Variants in ADRA1B observed in about 807,000 individuals in gnomAD.
ADRA1B encodes alpha-1B adrenergic receptor.
A neutral mutation model predicts 17.9 loss-of-function variants in ADRA1B; 17 were observed. The ratio of observed to expected loss-of-function variants is 0.95; its 90% CI spans 0.65 to 1.42. The LOEUF is 1.42. Ranked by LOEUF, ADRA1B falls within the 40% of genes most tolerant of loss-of-function variation. The pLI is 0.00. For synonymous variants in ADRA1B, 366 were observed against 327.6 expected (o/e 1.12, Z -1.27); for missense variants, 681 against 722.1 (o/e 0.94, Z 0.65).
chr5:159,922,805 C>T (rs1027760877), intron 1 of ADRA1B, among the ~76,000 whole-genome samples: 38 of 152,282 alleles, frequency 2.5e-4, no homozygotes, highest in South Asian at 4.1e-4. Flanking sequence ...ATTATACTGA[C>T]GATATAATGG....
At chr5:159,921,500 G>A (rs968174476) in intron 1 of ADRA1B, among the ~76,000 whole-genome samples, 4 of 152,194 alleles carry the variant, frequency 2.6e-5, no homozygotes, top group African/African-American at 7.2e-5. Context: ...AGCTATTGAG[G>A]ATGTGCATTG....
chr5:159,867,691 C>G (rs920950333), intron 1 of ADRA1B, among the ~76,000 whole-genome samples: 10 of 152,166 alleles, frequency 6.6e-5, no homozygotes, highest in Admixed American at 5.2e-4. Flanking sequence ...TTATTCCACC[C>G]AAGACTGAAA....
chr5:159,978,177 C>T, the ADRA1B span, among the ~76,000 whole-genome samples: 105 of 152,268 alleles, frequency 6.9e-4, 2 homozygotes, highest in Admixed American at 1.6e-3. Context: ...GGATATTTGT[C>T]TGTTTTGCTC....
At chr5:159,951,064 G>A (rs1340901366) in intron 1 of ADRA1B, 53 of 717,430 alleles carry the variant, frequency 7.4e-5, no homozygotes, top group Non-Finnish European at 1.1e-4. Flanking sequence ...CATAGCTGAC[G>A]ATATTGAGTC....
intron 1 of ADRA1B, among the ~76,000 whole-genome samples, chr5:159,945,732 G>A (rs1755250288): frequency 6.7e-6 from 1 of 150,328 alleles, no homozygotes; most frequent in Non-Finnish European, 1.5e-5. Flanking sequence ...CCGATTTCTG[G>A]TGGGTTTTTT....
chr5:159,904,185 T>C (rs1409092422), intron 1 of ADRA1B, among the ~76,000 whole-genome samples: 1 of 152,224 alleles, frequency 6.6e-6, no homozygotes, highest in Non-Finnish European at 1.5e-5. Context: ...CATACAGTTA[T>C]TTTTAAGACT....
At chr5:159,947,784 G>C in intron 1 of ADRA1B, 1 of 985,404 alleles carries the variant, frequency 1.0e-6, no homozygotes, top group South Asian at 4.7e-5. Context: ...CCAGCCTAGA[G>C]TCTGGCCACG....
chr5:159,966,334 T>C (rs1231150392), intron 1 of ADRA1B, among the ~76,000 whole-genome samples: 2 of 152,214 alleles, frequency 1.3e-5, no homozygotes, highest in Non-Finnish European at 2.9e-5. Flanking sequence ...GGACTCTACA[T>C]GTTTTTACCT....
At chr5:159,942,213 T>G (rs1755154662) in intron 1 of ADRA1B, among the ~76,000 whole-genome samples, 1 of 152,114 alleles carries the variant, frequency 6.6e-6, no homozygotes, top group Non-Finnish European at 1.5e-5. Flanking sequence ...TGAGCCGCCA[T>G]GGCCGGCCGG....
chr5:159,893,764 A>C (rs1754011315), intron 1 of ADRA1B, among the ~76,000 whole-genome samples: 1 of 152,162 alleles, frequency 6.6e-6, no homozygotes, highest in Non-Finnish European at 1.5e-5. Context: ...CTGTCATCAA[A>C]AGGCTTTTGA....
chr5:159,984,740 ATAC>A, the ADRA1B span, among the ~76,000 whole-genome samples: 1 of 145,598 alleles, frequency 6.9e-6, no homozygotes. Context: ...CCTACTAAAA[ATAC>A]AAAAAAAAAA....
At chr5:159,926,773 G>C (rs1375662341) in intron 1 of ADRA1B, among the ~76,000 whole-genome samples, 2 of 152,144 alleles carry the variant, frequency 1.3e-5, no homozygotes, top group Non-Finnish European at 2.9e-5. Flanking sequence ...TGTAATCCCA[G>C]CTACTTGGGA....
At chr5:159,967,067 A>G (rs1217281711) in intron 1 of ADRA1B, among the ~76,000 whole-genome samples, 1 of 152,240 alleles carries the variant, frequency 6.6e-6, no homozygotes, top group Non-Finnish European at 1.5e-5. Flanking sequence ...AAGGATTCCA[A>G]ATAAAACTGT....
intron 1 of ADRA1B, among the ~76,000 whole-genome samples, chr5:159,887,376 G>C (rs1056680837): frequency 1.9e-4 from 29 of 152,170 alleles, no homozygotes; most frequent in African/African-American, 6.8e-4. Context: ...TCAGTTATAG[G>C]ACAACTAAGC....
At chr5:159,887,034 G>A (rs1483348266) in intron 1 of ADRA1B, among the ~76,000 whole-genome samples, 1 of 152,108 alleles carries the variant, frequency 6.6e-6, no homozygotes, top group Non-Finnish European at 1.5e-5. Flanking sequence ...GATAGATAAC[G>A]TGTTAATTCT....
chr5:159,910,372 T>C (rs1754215942), intron 1 of ADRA1B, among the ~76,000 whole-genome samples: 1 of 152,206 alleles, frequency 6.6e-6, no homozygotes, highest in South Asian at 2.1e-4. Flanking sequence ...ATCTGTGCCA[T>C]GCTGCAGAAA....
chr5:159,986,429 C>T, the ADRA1B span, among the ~76,000 whole-genome samples: 2 of 152,218 alleles, frequency 1.3e-5, no homozygotes, highest in Non-Finnish European at 2.9e-5. Context: ...CTCACGTGAC[C>T]TAATTTGCAC....
chr5:159,938,771 C>T (rs1450646736), intron 1 of ADRA1B, among the ~76,000 whole-genome samples: 2 of 152,212 alleles, frequency 1.3e-5, no homozygotes, highest in Admixed American at 6.5e-5. Context: ...AAGCTGCTTG[C>T]GAGGTCCTAA....
At chr5:159,984,942 T>G in the ADRA1B span, among the ~76,000 whole-genome samples, 1 of 151,580 alleles carries the variant, frequency 6.6e-6, no homozygotes, top group African/African-American at 2.4e-5. Flanking sequence ...AATGAGACTA[T>G]GCCTCTGCTG....
Sources: allele counts gnomAD v4.1 joint callset (sites outside exome capture counted in the v4.1 genomes callset), GRCh38; gene constraint gnomAD v4.1.1; transcripts MANE v1.5; gene names NCBI Gene and HGNC (gene_info 2026-07-23, HGNC 2026-07-21).